The following MAGI1 variants were observed in gnomAD, a reference collection of about 807,000 sequenced individuals.
MAGI1 encodes membrane-associated guanylate kinase, WW and PDZ domain-containing protein 1.
A neutral mutation model predicts 139.9 loss-of-function variants in MAGI1; 58 were observed. That is an observed-to-expected ratio of 0.41 (90% CI 0.34 to 0.52). The LOEUF (loss-of-function observed/expected upper bound fraction) is 0.52, where lower values mean the gene tolerates loss of function less well. Ranked by LOEUF, MAGI1 falls within the 20% of genes least tolerant of loss-of-function variation. MAGI1 has a pLI of 0.12. For missense variants in MAGI1, 1,874 were observed against 1,901.6 expected (o/e 0.99, Z 0.27); for synonymous variants, 812 against 737.9 (o/e 1.10, Z -1.63).
intron 1 of MAGI1, among the ~76,000 whole-genome samples, chr3:65,970,952 C>T (rs1368218819): frequency 2.0e-5 from 3 of 152,152 alleles, no homozygotes; most frequent in African/African-American, 7.2e-5. Flanking sequence ...TGCCTGTAAT[C>T]CCAGCACTTT....
At chr3:65,909,880 G>C (rs1285947374) in intron 1 of MAGI1, among the ~76,000 whole-genome samples, 1 of 152,122 alleles carries the variant, frequency 6.6e-6, no homozygotes, top group Non-Finnish European at 1.5e-5. Context: ...GCCAGGGGTG[G>C]GGGATGGTTT....
intron 1 of MAGI1, among the ~76,000 whole-genome samples, chr3:65,984,829 G>A (rs1476570134): frequency 2.6e-5 from 4 of 151,086 alleles, no homozygotes; most frequent in Non-Finnish European, 4.4e-5. Flanking sequence ...ATTTACAGGT[G>A]TGAACCACCA....
intron 1 of MAGI1, among the ~76,000 whole-genome samples, chr3:65,787,319 T>C (rs1280999292): frequency 2.6e-5 from 4 of 151,986 alleles, no homozygotes; most frequent in Non-Finnish European, 4.4e-5. Flanking sequence ...AGCATTTTCA[T>C]AGCAACATAG....
At chr3:65,456,320 G>A in intron 5 of MAGI1, among the ~76,000 whole-genome samples, 1 of 151,614 alleles carries the variant, frequency 6.6e-6, no homozygotes, top group East Asian at 1.9e-4. Flanking sequence ...ACCCTTTTCA[G>A]TGAAATGTCT....
chr3:65,448,192 G>T (rs1475890868), intron 6 of MAGI1, 135 bp from the exon 7 acceptor site: 3 of 811,996 alleles, frequency 3.7e-6, no homozygotes, highest in East Asian at 5.0e-5. Flanking sequence ...CTGCATTGTG[G>T]CTTATTTCAT....
intron 1 of MAGI1, among the ~76,000 whole-genome samples, chr3:65,854,817 A>G (rs2059318888): frequency 6.6e-6 from 1 of 152,310 alleles, no homozygotes; most frequent in South Asian, 2.1e-4. Context: ...TGGTCACACT[A>G]CTGAAAGGGG....
chr3:65,704,425 G>C (rs1277588702), intron 1 of MAGI1, among the ~76,000 whole-genome samples: 1 of 152,156 alleles, frequency 6.6e-6, no homozygotes, highest in Non-Finnish European at 1.5e-5. Context: ...CAGGCTGGCT[G>C]TCCTAGATTG....
At position 65,791,623 on chromosome 3, in the gene MAGI1, C is replaced by T. The variant is rs189294026; in HGVS notation, c.314-169535G>A. 1.6e-3 allele frequency among the ~76,000 whole-genome samples: 248 copies of T among 152,182 alleles called. 1 individual carries two copies. Among genetic ancestry groups the T allele is most frequent in the African/African-American group, 5.6e-3 (234 of 41,518 alleles). On this transcript the variant is annotated intron_variant, in intron 1 of 22. Transcript: ENST00000402939. ...GGCAGGAAGAGGTGGAGGATGGTCA[C>T]AGAAATGAAATCAATACCATATGCT... is the stretch of plus-strand genomic sequence containing the variant.
intron 1 of MAGI1, among the ~76,000 whole-genome samples, chr3:65,728,170 G>C (rs539232107): frequency 1.3e-5 from 2 of 152,196 alleles, no homozygotes; most frequent in Non-Finnish European, 2.9e-5. Context: ...CTGGGACCAT[G>C]AGAAGGCATC....
In MAGI1 at chr3:65,379,514, A is replaced by G. The variant is rs1266664841; in HGVS notation, c.2742T>C (p.Ser914=). Residue 914 remains serine (S), a synonymous_variant, in exon 17 of 23, where the codon TCT becomes TCC. Transcript: ENST00000402939. The part of the protein sequence containing the change: ...TENEVPSPAS[S]HHSSNQPASL... ...AGGCCGGCTGGTTGCTACTGTGATG[A>G]GAGGAGGCTGGCGAGGGCACCTCGT... 5.6e-6 allele frequency: 9 copies of G among 1,612,890 alleles called. No homozygotes were observed. The highest frequency in any genetic ancestry group is 1.3e-5 in the African/African-American group (1 of 74,946).
intron 1 of MAGI1, among the ~76,000 whole-genome samples, chr3:65,862,555 C>T (rs1307191922): frequency 2.0e-5 from 3 of 152,208 alleles, no homozygotes; most frequent in East Asian, 3.8e-4. Context: ...TATTCCACAG[C>T]CTCACATGTA....
At chr3:65,819,926 G>T (rs1465103505) in intron 1 of MAGI1, among the ~76,000 whole-genome samples, 1 of 142,504 alleles carries the variant, frequency 7.0e-6, no homozygotes, top group Non-Finnish European at 1.5e-5. Flanking sequence ...GGCTGCTTAG[G>T]TCAACAGAAA....
intron 1 of MAGI1, among the ~76,000 whole-genome samples, chr3:65,914,661 C>T (rs1262136385): frequency 6.6e-6 from 1 of 152,134 alleles, no homozygotes; most frequent in East Asian, 1.9e-4. Flanking sequence ...GGATTTGAGC[C>T]TAATGTTCGA....
intron 10 of MAGI1, among the ~76,000 whole-genome samples, chr3:65,432,756 C>T (rs1283817961): frequency 6.6e-6 from 1 of 152,082 alleles, no homozygotes; most frequent in East Asian, 1.9e-4. Flanking sequence ...AAGATAACCC[C>T]CAAAGTTTAC....
chr3:65,712,235 C>T (rs1693884312), intron 1 of MAGI1, among the ~76,000 whole-genome samples: 1 of 152,012 alleles, frequency 6.6e-6, no homozygotes, highest in South Asian at 2.1e-4. Flanking sequence ...TAAGAGAATT[C>T]CAGTTCCTCT....
At chr3:65,792,114 A>G (rs1290767359) in intron 1 of MAGI1, among the ~76,000 whole-genome samples, 3 of 152,216 alleles carry the variant, frequency 2.0e-5, no homozygotes, top group African/African-American at 7.2e-5. Context: ...ATAGCTAATC[A>G]TAATATAGCT....
At chr3:65,628,593 A>T (rs1477668613) in intron 1 of MAGI1, among the ~76,000 whole-genome samples, 1 of 152,070 alleles carries the variant, frequency 6.6e-6, no homozygotes, top group Admixed American at 6.5e-5. Context: ...TCTCGGGGAA[A>T]AAAAGCATAA....
At chr3:65,562,509 G>A (rs1559673480) in intron 2 of MAGI1, among the ~76,000 whole-genome samples, 1 of 152,056 alleles carries the variant, frequency 6.6e-6, no homozygotes, top group Non-Finnish European at 1.5e-5. Context: ...GTTTTTTAGA[G>A]ACAAGCTCTA....
rs1575588456 is a variant in MAGI1 at position 65,357,074 on chromosome 3, C to T, written c.3693G>A (p.Arg1231=). 2 of 1,614,142 alleles carry T rather than the reference C, an allele frequency of 1.2e-6. No individual in the cohort carries two copies. The highest frequency in any genetic ancestry group is 4.5e-5 in the East Asian group (2 of 44,848). ...ATGPQGVPEV[R]AGPDRRQHPS... ...GATGCTGCCGGCGGTCGGGCCCGGC[C>T]CTCACTTCCGGAACACCTTGTGGAC... Residue 1231 remains arginine, a synonymous_variant, in exon 23 of 23, where the codon AGG becomes AGA. Transcript: ENST00000402939.
Sources: allele counts gnomAD v4.1 joint callset (sites outside exome capture counted in the v4.1 genomes callset), GRCh38; gene constraint gnomAD v4.1.1; transcripts MANE v1.5; gene names NCBI Gene and HGNC (gene_info 2026-07-23, HGNC 2026-07-21).